The following JADE2 variants were observed in gnomAD, a reference collection of about 807,000 sequenced individuals.
The protein encoded by JADE2 is E3 ubiquitin-protein ligase Jade-2.
In JADE2, 13 loss-of-function variants were observed where a neutral mutation model predicts 85.7. That is an observed-to-expected ratio of 0.15 (90% CI 0.10 to 0.24). The LOEUF is 0.24. Ranked by LOEUF, JADE2 falls within the 10% of genes least tolerant of loss-of-function variation. JADE2 has a pLI of 1.00. For missense variants in JADE2, 846 were observed against 1,115.9 expected (o/e 0.76, Z 3.45); for synonymous variants, 440 against 456.1 (o/e 0.96, Z 0.45).
intron 7 of JADE2, among the ~76,000 whole-genome samples, chr5:134,563,371 C>T (rs1010839447): frequency 6.7e-6 from 1 of 150,150 alleles, no homozygotes; most frequent in Non-Finnish European, 1.5e-5. Flanking sequence ...GGCTAGTGGG[C>T]CTGCTGCTAT....
chr5:134,544,340 G>A (rs1762163311), intron 3 of JADE2: 1 of 158,906 alleles, frequency 6.3e-6, no homozygotes, highest in African/African-American at 2.4e-5. Flanking sequence ...ACACAGGAAG[G>A]TGTCTGTTAT....
chr5:134,576,102 G>A (rs1371900303), intron 10 of JADE2, among the ~76,000 whole-genome samples: 1 of 152,100 alleles, frequency 6.6e-6, no homozygotes, highest in African/African-American at 2.4e-5. Context: ...AGGAGGCTGA[G>A]GCTGGAGGAT....
chr5:134,579,185 T>C lies in JADE2; in HGVS notation c.2373T>C (p.Thr791=), dbSNP rs758253188. The part of the protein sequence containing the change: ...ERPKVSLHFD[T]ETDGYFSDGE... ...CCAAGGTCAGCCTGCATTTTGACAC[T>C]GAGACTGATGGCTACTTCTCTGATG... Residue 791 remains threonine (T), a synonymous_variant, in exon 12 of 12, where the codon ACT becomes ACC. Transcript: ENST00000681547. The surrounding 1 kb of genome is among the most constrained non-coding windows in gnomAD (Gnocchi z 4.6). 6.2e-7 allele frequency: 1 copy of C among 1,614,252 alleles called. No homozygotes were observed. Among genetic ancestry groups the C allele is most frequent in the Non-Finnish European group, 8.5e-7 (1 of 1,180,048 alleles).
chr5:134,567,712 G>T (rs555164560), intron 9 of JADE2, among the ~76,000 whole-genome samples: 2 of 152,272 alleles, frequency 1.3e-5, no homozygotes, highest in South Asian at 2.1e-4. Context: ...TCAGGGAAGG[G>T]GCACTGGACC....
Position 134,560,834 on chromosome 5 carries a change from G to A in JADE2, c.561G>A (p.Glu187=), listed in dbSNP as rs757640956. 8 of 1,614,218 alleles carry A rather than the reference G, an allele frequency of 5.0e-6. No individual in the cohort carries two copies. The highest frequency in any genetic ancestry group is 2.2e-5 in the South Asian group (2 of 91,090). ...ACCAGAATATGGCCAGGGCCATTGA[G>A]ACGCAGGAGGGGCTGGGCATCGAGT... is the stretch of plus-strand genomic sequence containing the variant. ...LCHQNMARAI[E]TQEGLGIEYD... The change falls in exon 6 of 12, where the codon GAG becomes GAA. Residue 187 remains glutamate, a synonymous_variant. Coordinates refer to ENST00000681547, the MANE Select transcript of JADE2 (RefSeq NM_001388185.1).
In JADE2 at chr5:134,579,326, C is replaced by G; in HGVS notation, c.*9C>G. 6.4e-7 allele frequency: 1 copy of G among 1,566,392 alleles called. No individual in the cohort carries two copies. Among genetic ancestry groups the G allele is most frequent in the Non-Finnish European group, 8.6e-7 (1 of 1,156,778 alleles). ...GCGTACTGGCCTCCTAACTCACCCC[C>G]TTCCCTGTCCCAGGCCCTGCCCTGG... On this transcript the variant is annotated 3_prime_UTR_variant, in exon 12 of 12. Coordinates refer to ENST00000681547, the MANE Select transcript of JADE2 (RefSeq NM_001388185.1). The surrounding 1 kb of genome is among the most constrained non-coding windows in gnomAD (Gnocchi z 4.6).
chr5:134,553,362 C>T (rs372903441), intron 4 of JADE2, among the ~76,000 whole-genome samples: 2 of 145,942 alleles, frequency 1.4e-5, no homozygotes, highest in African/African-American at 5.1e-5. Flanking sequence ...TTATTCTTTT[C>T]TTTTTTTTTT....
In JADE2 at chr5:134,566,607, C is replaced by T. The variant is rs1295202525; in HGVS notation, c.1434+27C>T. 2.0e-6 allele frequency: 3 copies of T among 1,483,138 alleles called. No individual in the cohort carries two copies. The South Asian group carries it at 3.8e-5, about 19-fold the overall frequency. The allele number at this position is 1,483,138 out of a possible 1,614,324, so 91.9% of individuals were successfully genotyped here. On this transcript the variant is annotated intron_variant, in intron 9 of 11. Transcript: ENST00000681547. This position sits in a 1 kb window ranked among gnomAD's most constrained non-coding sequence, Gnocchi z 6.7. ...TGAGTCCCCATGCCGCCTGCCCACC[C>T]CCTGCCTGGTGGGTCCAGGAGTCCT... is the stretch of plus-strand genomic sequence containing the variant.
At chr5:134,561,126 C>G (rs1017072223) in intron 6 of JADE2, among the ~76,000 whole-genome samples, 169 bp downstream of exon 6, 1 of 152,224 alleles carries the variant, frequency 6.6e-6, no homozygotes, top group Non-Finnish European at 1.5e-5. Flanking sequence ...GGCCCCTTGG[C>G]TTAGACTTGC....
intron 3 of JADE2, 143 bp downstream of exon 3, chr5:134,538,226 G>A (rs866937546): frequency 1.6e-6 from 1 of 630,084 alleles, no homozygotes; most frequent in Non-Finnish European, 2.8e-6. Flanking sequence ...GGGGAGTAGG[G>A]GCCAGTTTCC....
At chr5:134,551,995 G>A in intron 3 of JADE2, 57 bp from the exon 4 acceptor site, 3 of 1,564,914 alleles carry the variant, frequency 1.9e-6, no homozygotes, top group Non-Finnish European at 1.8e-6. Flanking sequence ...TCTGGCCTGT[G>A]GGGCAGACTG....
intron 4 of JADE2, 83 bp from the exon 5 acceptor site, chr5:134,559,747 G>C: frequency 7.1e-7 from 1 of 1,414,474 alleles, no homozygotes; most frequent in Admixed American, 2.3e-5. Flanking sequence ...CAGCTCCTGA[G>C]CTGGACTGGT....
chr5:134,526,538 G>A (rs1426877219), intron 1 of JADE2: 1 of 985,354 alleles, frequency 1.0e-6, no homozygotes, highest in Non-Finnish European at 1.2e-6. Context: ...TCCGGGCGCC[G>A]AACCGGGCTG....
intron 6 of JADE2, among the ~76,000 whole-genome samples, chr5:134,561,838 T>G (rs1478791611): frequency 6.6e-6 from 1 of 152,194 alleles, no homozygotes; most frequent in Admixed American, 6.5e-5. Context: ...GGGACTTGTT[T>G]CCAGGAAGTA....
chr5:134,542,628 GAC>G (rs1326439492), intron 3 of JADE2, among the ~76,000 whole-genome samples: 1 of 151,908 alleles, frequency 6.6e-6, no homozygotes, highest in Non-Finnish European at 1.5e-5. Flanking sequence ...TTTTAGTAGA[GAC>G]AGGGTTTCTC....
chr5:134,541,854 G>A (rs767719029), intron 3 of JADE2, among the ~76,000 whole-genome samples: 1 of 152,262 alleles, frequency 6.6e-6, no homozygotes, highest in South Asian at 2.1e-4. Flanking sequence ...GCACTCTACA[G>A]CAAGTGAGGT....
chr5:134,577,552 G>A (rs771392873), intron 11 of JADE2, among the ~76,000 whole-genome samples: 7 of 152,278 alleles, frequency 4.6e-5, no homozygotes, highest in Admixed American at 2.0e-4. Context: ...CAACCCAGGC[G>A]TGGTGGTGCA....
chr5:134,574,366 T>C (rs1355792338), intron 10 of JADE2: 1 of 166,312 alleles, frequency 6.0e-6, no homozygotes, highest in Admixed American at 6.3e-5. Flanking sequence ...CTGTTAATTG[T>C]GGATATTGCC....
At chr5:134,538,442 A>C (rs57432998) in intron 3 of JADE2, among the ~76,000 whole-genome samples, 3,190 of 152,280 alleles carry the variant, frequency 0.021, 104 homozygotes, top group African/African-American at 0.068. Flanking sequence ...AATGAGAAGC[A>C]GCAGGGTTTG....
Sources: gnomAD v4.1 joint callset for allele counts (sites outside exome capture counted in the v4.1 genomes callset) on GRCh38, gnomAD v4.1.1 for gene constraint, Gnocchi (gnomAD v3.1) non-coding constraint, MANE v1.5 for transcripts, NCBI Gene and HGNC (gene_info 2026-07-23, HGNC 2026-07-21) for gene names.